Variants in FRMD4B observed in about 807,000 individuals in gnomAD.
The protein encoded by FRMD4B is FERM domain-containing protein 4B.
A neutral mutation model predicts 141.5 loss-of-function variants in FRMD4B; 74 were observed. The ratio of observed to expected loss-of-function variants is 0.52; its 90% CI spans 0.43 to 0.63. The LOEUF (loss-of-function observed/expected upper bound fraction) is 0.63, where lower values mean the gene tolerates loss of function less well. Among genes scored for constraint, FRMD4B ranks in the 30% least tolerant of loss-of-function variants. The pLI, the probability that FRMD4B is intolerant of heterozygous loss-of-function variation, is 0.00. For synonymous variants in FRMD4B, 506 were observed against 467.9 expected, an observed-to-expected ratio of 1.08 and a Z score of -1.05; for missense variants, 1,366 against 1,253.4, an observed-to-expected ratio of 1.09 and a Z score of -1.36.
Position 69,276,581 on chromosome 3 carries a change from A to G in FRMD4B, c.501+11171T>C, listed in dbSNP as rs117371421. Among the ~76,000 whole-genome samples the G allele has an allele frequency of 3.7e-4, 57 of 152,294 alleles. 1 individual carries two copies. In the East Asian group the frequency reaches 0.011, roughly 29 times the overall value. On this transcript the variant is annotated intron_variant, in intron 5 of 22. Coordinates refer to ENST00000398540, the MANE Select transcript of FRMD4B (RefSeq NM_015123.3). The stretch of plus-strand genomic sequence containing the variant: ...AGGTGTACCCTTCATTTTAATGGAA[A>G]TGGCCAAATTGCCTTCCTAAACTGC...
chr3:69,246,640 A>G (rs2093427715), intron 7 of FRMD4B, among the ~76,000 whole-genome samples: 1 of 152,144 alleles, frequency 6.6e-6, no homozygotes, highest in African/African-American at 2.4e-5. Flanking sequence ...GATTAACCCC[A>G]ATTTACAGAT....
At position 69,171,737 on chromosome 3, in the gene FRMD4B, G is replaced by A; in HGVS notation, c.*124C>T. On this transcript the variant is annotated 3_prime_UTR_variant, in exon 23 of 23. Transcript: ENST00000398540. ...ACTGATTCACTTCCAGGGCAACTAA[G>A]TCTTCTCTTCAACCTTTGATGTCTT... The A allele has an allele frequency of 3.3e-6, 3 of 902,532 alleles. No homozygotes were observed. The highest frequency in any genetic ancestry group is 5.2e-6 in the Non-Finnish European group (3 of 578,592). 55.9% of individuals were successfully genotyped at this position (902,532 alleles called of 1,614,324 possible).
intron 1 of FRMD4B, among the ~76,000 whole-genome samples, chr3:69,358,585 A>T (rs1395262540): frequency 6.6e-6 from 1 of 152,076 alleles, no homozygotes; most frequent in Admixed American, 6.5e-5. Context: ...AATACACAAA[A>T]ATTAGCCAAG....
chr3:69,345,410 G>T (rs1185760816), intron 1 of FRMD4B, among the ~76,000 whole-genome samples: 7 of 152,230 alleles, frequency 4.6e-5, no homozygotes, highest in African/African-American at 1.7e-4. Context: ...ATCTCTGGGG[G>T]CAGGGCATAG....
chr3:69,339,798 C>T (rs1702673877), intron 1 of FRMD4B, among the ~76,000 whole-genome samples: 1 of 152,174 alleles, frequency 6.6e-6, no homozygotes, highest in African/African-American at 2.4e-5. Context: ...GTGAAATAAT[C>T]CAGCCAGCTC....
chr3:69,493,922 G>C (rs1706344185), intron 1 of FRMD4B, among the ~76,000 whole-genome samples: 1 of 152,094 alleles, frequency 6.6e-6, no homozygotes, highest in Non-Finnish European at 1.5e-5. Flanking sequence ...TAAGTACTGG[G>C]GTGCAGTAGT....
At position 69,377,577 on chromosome 3, in the gene FRMD4B, C is replaced by T. The variant is rs569104595; in HGVS notation, c.162+8251G>A. 8.7e-4 allele frequency among the ~76,000 whole-genome samples: 133 copies of T among 152,282 alleles called. 2 individuals are homozygous for T. Among genetic ancestry groups the T allele is most frequent in the African/African-American group, 2.4e-3 (100 of 41,564 alleles). ...GTTGTGAGCAGACAGATCTCAAACC[C>T]GTCTGGAAATCGCAGTCCCTTAAAG... On this transcript the variant is annotated intron_variant, in intron 1 of 22. Coordinates refer to ENST00000398540, the MANE Select transcript of FRMD4B (RefSeq NM_015123.3).
chr3:69,372,306 T>C (rs1703847384), intron 1 of FRMD4B, among the ~76,000 whole-genome samples: 1 of 152,196 alleles, frequency 6.6e-6, no homozygotes, highest in Admixed American at 6.5e-5. Context: ...TGTTATGCTG[T>C]TGTATCCCAA....
intron 1 of FRMD4B, among the ~76,000 whole-genome samples, chr3:69,333,206 A>T (rs561429338): frequency 1.5e-3 from 227 of 152,308 alleles, no homozygotes; most frequent in Admixed American, 4.8e-3. Context: ...TTTAAAAAAA[A>T]TTGGAGAATT....
intron 1 of FRMD4B, among the ~76,000 whole-genome samples, chr3:69,523,013 A>G (rs1559552881): frequency 1.3e-5 from 2 of 152,144 alleles, no homozygotes; most frequent in Admixed American, 1.3e-4. Context: ...CTGAGGGAAA[A>G]ATTTTCAGGA....
At chr3:69,225,361 T>C (rs1236146768) in intron 7 of FRMD4B, among the ~76,000 whole-genome samples, 1 of 151,934 alleles carries the variant, frequency 6.6e-6, no homozygotes, top group Non-Finnish European at 1.5e-5. Context: ...GAGAAAGTTG[T>C]GGTCTTTACA....
chr3:69,260,720 T>C (rs1312094138), intron 5 of FRMD4B, among the ~76,000 whole-genome samples: 3 of 152,198 alleles, frequency 2.0e-5, no homozygotes, highest in African/African-American at 7.2e-5. Flanking sequence ...GGCCCCTGAG[T>C]TAAGTAGGAA....
intron 1 of FRMD4B, among the ~76,000 whole-genome samples, chr3:69,379,082 G>A (rs1704047509): frequency 6.6e-6 from 1 of 152,108 alleles, no homozygotes; most frequent in Non-Finnish European, 1.5e-5. Flanking sequence ...CAAGACAAAA[G>A]TCTATTTTGA....
chr3:69,173,257 T>A (rs1482228402), intron 22 of FRMD4B, among the ~76,000 whole-genome samples: 1 of 152,188 alleles, frequency 6.6e-6, no homozygotes, highest in Non-Finnish European at 1.5e-5. Context: ...ATATACTAGG[T>A]AGCTTCAACA....
chr3:69,535,892 G>T, intron 1 of FRMD4B: 1 of 424,760 alleles, frequency 2.4e-6, no homozygotes, highest in Non-Finnish European at 4.7e-6. Context: ...TGCCATTCTT[G>T]ACCTTGCTGA....
intron 7 of FRMD4B, among the ~76,000 whole-genome samples, chr3:69,244,859 A>G (rs114166634): frequency 0.023 from 3,487 of 152,274 alleles, 126 homozygotes; most frequent in African/African-American, 0.08. Context: ...CAGTCTGGAT[A>G]ACAGAGCAAG....
chr3:69,258,675 G>C (rs2093507566), intron 5 of FRMD4B, among the ~76,000 whole-genome samples: 1 of 152,076 alleles, frequency 6.6e-6, no homozygotes, highest in Non-Finnish European at 1.5e-5. Context: ...TGTTTGATCT[G>C]AGTTGCGTAT....
intron 1 of FRMD4B, chr3:69,536,423 A>G: frequency 1.4e-6 from 1 of 712,178 alleles, no homozygotes; most frequent in Non-Finnish European, 2.6e-6. Flanking sequence ...AGATACCTGA[A>G]GCGGAGGACG....
At chr3:69,338,154 G>T (rs1193999353) in intron 1 of FRMD4B, among the ~76,000 whole-genome samples, 1 of 152,158 alleles carries the variant, frequency 6.6e-6, no homozygotes, top group Non-Finnish European at 1.5e-5. Flanking sequence ...CAGGTCCTTT[G>T]TAGGGACAGG....
Sources: gnomAD v4.1 joint callset for allele counts (sites outside exome capture counted in the v4.1 genomes callset) on GRCh38, gnomAD v4.1.1 for gene constraint, MANE v1.5 for transcripts, NCBI Gene and HGNC (gene_info 2026-07-23, HGNC 2026-07-21) for gene names.